The following PIAS2 variants were observed in gnomAD, a reference collection of about 807,000 sequenced individuals.
The protein encoded by PIAS2 is E3 SUMO-protein ligase PIAS2.
In PIAS2, 19 loss-of-function variants were observed where a neutral mutation model predicts 69.7. The ratio of observed to expected loss-of-function variants is 0.27; its 90% CI spans 0.19 to 0.40. PIAS2 has a LOEUF of 0.40. PIAS2 is among the 10% of genes least tolerant of loss of function. The pLI, the probability that PIAS2 is intolerant of heterozygous loss-of-function variation, is 1.00. For synonymous variants in PIAS2, 261 were observed against 263.2 expected, an observed-to-expected ratio of 0.99 and a Z score of 0.08; for missense variants, 624 against 757.0, an observed-to-expected ratio of 0.82 and a Z score of 2.06.
intron 2 of PIAS2, among the ~76,000 whole-genome samples, chr18:46,870,959 C>T (rs1209703848): frequency 2.0e-5 from 3 of 152,034 alleles, no homozygotes; most frequent in Admixed American, 1.3e-4. Context: ...GAATCAGTAC[C>T]TCAGACCCAA....
intron 1 of PIAS2, among the ~76,000 whole-genome samples, chr18:46,904,920 C>G (rs181914380): frequency 1.3e-5 from 2 of 151,936 alleles, no homozygotes; most frequent in Admixed American, 1.3e-4. Flanking sequence ...GTTTAAAAAT[C>G]GATAGAACTA....
chr18:46,837,948 C>T (rs1044234947), intron 8 of PIAS2, among the ~76,000 whole-genome samples: 5 of 151,970 alleles, frequency 3.3e-5, no homozygotes, highest in Non-Finnish European at 5.9e-5. Context: ...TATTTGTTGA[C>T]CAGATAGGAG....
chr18:46,822,453 A>G (rs1309834419), intron 11 of PIAS2, among the ~76,000 whole-genome samples: 2 of 152,210 alleles, frequency 1.3e-5, no homozygotes, highest in Non-Finnish European at 2.9e-5. Context: ...GTTATCTTCC[A>G]AAAATCAACC....
At position 46,808,003 on chromosome 18, in the gene PIAS2, CAA is replaced by C. The variant is rs370763113; in HGVS notation, c.*4428_*4429del. 2.1e-4 allele frequency: 32 copies of C among 152,182 alleles called. No homozygotes were observed. The East Asian group carries it at 6.2e-3, about 29-fold the overall frequency. The allele number at this position is 152,182 out of a possible 1,614,324, so 9.4% of individuals were successfully genotyped here. A position where few individuals can be genotyped will look rare whatever the true frequency, so the allele number is the denominator to read the frequency against. ...TTATCCTAAGAAAATAATTTATACA[CAA>C]AGACATTCATTGTGGCATTATGAGA... On this transcript the variant is annotated 3_prime_UTR_variant, in exon 14 of 14. Coordinates refer to ENST00000585916, the MANE Select transcript of PIAS2 (RefSeq NM_004671.5).
At chr18:46,857,515 A>G (rs1486991475) in intron 3 of PIAS2, among the ~76,000 whole-genome samples, 1 of 152,208 alleles carries the variant, frequency 6.6e-6, no homozygotes, top group East Asian at 1.9e-4. Flanking sequence ...CTCCACTAGG[A>G]ACATGAGTAA....
intron 1 of PIAS2, among the ~76,000 whole-genome samples, chr18:46,914,427 G>C (rs2146336480): frequency 6.6e-6 from 1 of 152,228 alleles, no homozygotes; most frequent in Non-Finnish European, 1.5e-5. Flanking sequence ...GGACTGAAAG[G>C]CAACAAGGTA....
chr18:46,871,949 T>C (rs1422479508), intron 2 of PIAS2, among the ~76,000 whole-genome samples: 1 of 152,202 alleles, frequency 6.6e-6, no homozygotes, highest in Non-Finnish European at 1.5e-5. Flanking sequence ...CATCCTGATG[T>C]ATGGGCGAGA....
intron 8 of PIAS2, among the ~76,000 whole-genome samples, chr18:46,840,544 T>C (rs986018614): frequency 2.6e-5 from 4 of 152,184 alleles, no homozygotes; most frequent in African/African-American, 9.7e-5. Flanking sequence ...ATCTCTCCTG[T>C]CACAGCCTTA....
At chr18:46,816,707 A>T (rs2041590385) in intron 12 of PIAS2, 1 of 690,382 alleles carries the variant, frequency 1.4e-6, no homozygotes, top group African/African-American at 1.9e-5. Flanking sequence ...AGCTCAAGTG[A>T]TCCTCCCGCC....
rs147314510 is a variant in PIAS2 at position 46,839,813 on chromosome 18, C to T, written c.1042-3296G>A. On this transcript the variant is annotated intron_variant, in intron 8 of 13. Coordinates refer to ENST00000585916, the MANE Select transcript of PIAS2 (RefSeq NM_004671.5). ...CTGGGAGGCAGAGGTTGCAGTAAGC[C>T]GAGATCATACCACTGCACTCCAGCC... Among the ~76,000 whole-genome samples, 135 of 147,620 alleles carry T rather than the reference C, an allele frequency of 9.1e-4. 2 individuals carry two copies. The East Asian group carries it at 0.022, about 24-fold the overall frequency.
chr18:46,831,087 C>G (rs1468228929), intron 9 of PIAS2, among the ~76,000 whole-genome samples: 2 of 152,042 alleles, frequency 1.3e-5, no homozygotes, highest in Admixed American at 1.3e-4. Context: ...CAAAAGGCAT[C>G]CACGTTAGAA....
chr18:46,902,258 AT>A (rs1354593383), intron 1 of PIAS2, among the ~76,000 whole-genome samples: 5 of 151,404 alleles, frequency 3.3e-5, no homozygotes, highest in Non-Finnish European at 4.4e-5. Flanking sequence ...AAAAAAAAAA[AT>A]CTAAGAAAAT....
At chr18:46,836,155 T>C (rs1263949406) in intron 9 of PIAS2, 2 of 467,820 alleles carry the variant, frequency 4.3e-6, no homozygotes, top group East Asian at 3.2e-5. Flanking sequence ...CAAATCATAT[T>C]ATAGAGATAA....
At chr18:46,858,504 C>T (rs1444768176) in intron 3 of PIAS2, among the ~76,000 whole-genome samples, 1 of 152,090 alleles carries the variant, frequency 6.6e-6, no homozygotes, top group African/African-American at 2.4e-5. Context: ...CAGGACCAGG[C>T]TGGGCAACAC....
At chr18:46,872,011 C>T (rs1345706746) in intron 2 of PIAS2, among the ~76,000 whole-genome samples, 1 of 152,168 alleles carries the variant, frequency 6.6e-6, no homozygotes, top group East Asian at 1.9e-4. Context: ...GAAGTTAAAA[C>T]CCCCAGGGGA....
chr18:46,918,179 GTAGA>G (rs966346132), upstream of PIAS2: 1 of 152,168 alleles, frequency 6.6e-6, no homozygotes, highest in African/African-American at 2.4e-5. Flanking sequence ...GGCAGAGTAA[GTAGA>G]TAGAAGGAAG....
chr18:46,871,832 T>A (rs1244409107), intron 2 of PIAS2, among the ~76,000 whole-genome samples: 4 of 152,212 alleles, frequency 2.6e-5, no homozygotes, highest in Non-Finnish European at 4.4e-5. Flanking sequence ...GGAACTAACC[T>A]ATTAGGAAGA....
At chr18:46,817,757 C>G (rs2041714340) in intron 12 of PIAS2, 1 of 950,038 alleles carries the variant, frequency 1.1e-6, no homozygotes, top group Admixed American at 6.2e-5. Flanking sequence ...CCATTTTTTT[C>G]TCAAGTACTA....
intron 1 of PIAS2, among the ~76,000 whole-genome samples, chr18:46,906,779 G>A (rs985290800): frequency 2.1e-5 from 3 of 144,846 alleles, no homozygotes; most frequent in African/African-American, 7.6e-5. Flanking sequence ...TGTGTGGGGG[G>A]GGGGGGAGGT....
Sources: allele counts gnomAD v4.1 joint callset (sites outside exome capture counted in the v4.1 genomes callset), GRCh38; gene constraint gnomAD v4.1.1; transcripts MANE v1.5; gene names NCBI Gene and HGNC (gene_info 2026-07-23, HGNC 2026-07-21).